KIF16B: variants seen among roughly 807,000 people sequenced by gnomAD.
The protein encoded by KIF16B is kinesin-like protein KIF16B.
KIF16B carries 98 observed loss-of-function variants against 156.3 expected under a neutral mutation model. That is an observed-to-expected ratio of 0.63 (90% confidence interval 0.53 to 0.74). The LOEUF (loss-of-function observed/expected upper bound fraction) is 0.74. Among genes scored for constraint, KIF16B ranks in the 30% least tolerant of loss-of-function variants. The pLI, the probability that KIF16B is intolerant of heterozygous loss-of-function variation, is 0.00. For missense variants in KIF16B, 1,421 were observed against 1,606.5 expected (o/e 0.88, Z 1.97); for synonymous variants, 564 against 583.7 (o/e 0.97, Z 0.49).
intron 14 of KIF16B, among the ~76,000 whole-genome samples, chr20:16,427,515 T>C (rs1032788784): frequency 1.3e-5 from 2 of 152,106 alleles, no homozygotes; most frequent in Non-Finnish European, 2.9e-5. Context: ...ACTCATTTCA[T>C]CTTTGGGGAG....
rs1320373009 is a variant in KIF16B at position 16,378,911 on chromosome 20, C to T, written c.3091G>A (p.Glu1031Lys). The part of the protein sequence containing the change: ...RHSTLGMEIE[E>K]QRQKLASLNS... ...AGACTGGCAAGTTTCTGCCTCTGCT[C>T]TTCAATCTCCATGCCCAGGGTGGAG... The change falls in exon 19 of 26, where the codon GAG becomes AAG. Residue 1031 changes from glutamate to lysine, a missense_variant. Physicochemically the swap from Glu to Lys is moderately conservative, Grantham distance 56. Coordinates refer to ENST00000354981, the MANE Select transcript of KIF16B (RefSeq NM_024704.5). 1.2e-6 allele frequency: 2 copies of T among 1,613,958 alleles called. No homozygotes were observed. The highest frequency in any genetic ancestry group is 1.7e-6 in the Non-Finnish European group (2 of 1,179,968).
intron 12 of KIF16B, among the ~76,000 whole-genome samples, chr20:16,455,654 T>A (rs895547669): frequency 1.3e-5 from 2 of 152,048 alleles, no homozygotes; most frequent in Non-Finnish European, 2.9e-5. Flanking sequence ...CGATTTTGCA[T>A]ATAATAAAGA....
At chr20:16,287,747 G>A (rs1160799571) in intron 25 of KIF16B, among the ~76,000 whole-genome samples, 1 of 152,178 alleles carries the variant, frequency 6.6e-6, no homozygotes, top group Non-Finnish European at 1.5e-5. Flanking sequence ...CAAGCTTCTG[G>A]GGAAACCTCA....
intron 1 of KIF16B, among the ~76,000 whole-genome samples, chr20:16,534,903 A>G (rs1475810333): frequency 6.6e-6 from 1 of 151,594 alleles, no homozygotes; most frequent in East Asian, 1.9e-4. Flanking sequence ...GTTACTACAG[A>G]CTTTTAATGT....
chr20:16,356,909 A>C (rs182716917), intron 22 of KIF16B, among the ~76,000 whole-genome samples: 2 of 152,306 alleles, frequency 1.3e-5, no homozygotes. Context: ...TTCATTTTTA[A>C]CTTTTAGGCA....
chr20:16,372,653 C>T (rs1316608069), intron 20 of KIF16B, among the ~76,000 whole-genome samples: 2 of 152,182 alleles, frequency 1.3e-5, no homozygotes, highest in Non-Finnish European at 1.5e-5. Flanking sequence ...GGAAGTCATT[C>T]TGTTCTAGAC....
chr20:16,324,233 G>A (rs1344387036), intron 24 of KIF16B, among the ~76,000 whole-genome samples: 1 of 151,902 alleles, frequency 6.6e-6, no homozygotes, highest in Non-Finnish European at 1.5e-5. Flanking sequence ...CAGGGAGCAG[G>A]CTTTCTTTTC....
At chr20:16,407,462 G>C (rs1328243258) in intron 15 of KIF16B, among the ~76,000 whole-genome samples, 1 of 152,126 alleles carries the variant, frequency 6.6e-6, no homozygotes, top group Non-Finnish European at 1.5e-5. Flanking sequence ...ACTTAGCTGA[G>C]TGTGTGATTA....
intron 23 of KIF16B, among the ~76,000 whole-genome samples, chr20:16,353,516 G>A (rs1255034901): frequency 5.3e-5 from 8 of 152,072 alleles, no homozygotes; most frequent in Admixed American, 3.3e-4. Context: ...CTTAGTATGT[G>A]GCAGGCACTG....
At chr20:16,495,610 C>G (rs983951970) in intron 11 of KIF16B, among the ~76,000 whole-genome samples, 1 of 152,150 alleles carries the variant, frequency 6.6e-6, no homozygotes, top group African/African-American at 2.4e-5. Flanking sequence ...AAATCTATCA[C>G]CTTCTTGATG....
intron 22 of KIF16B, among the ~76,000 whole-genome samples, chr20:16,370,062 G>A (rs2064779326): frequency 6.6e-6 from 1 of 152,054 alleles, no homozygotes; most frequent in Non-Finnish European, 1.5e-5. Context: ...TATTTTTTGG[G>A]GGTTGATTTT....
At chr20:16,515,510 A>G in intron 4 of KIF16B, 38 bp downstream of exon 4, 1 of 1,059,310 alleles carries the variant, frequency 9.4e-7, no homozygotes, top group Non-Finnish European at 1.5e-6. Flanking sequence ...GAGAAAGATA[A>G]TGAGAAATTT....
At chr20:16,373,302 AT>A (rs1255642711) in intron 20 of KIF16B, among the ~76,000 whole-genome samples, 1 of 152,224 alleles carries the variant, frequency 6.6e-6, no homozygotes, top group Admixed American at 6.5e-5. Flanking sequence ...ACCCTGTGAG[AT>A]ATGAGGCTCA....
chr20:16,483,781 A>C (rs1021726602), intron 12 of KIF16B, among the ~76,000 whole-genome samples: 1 of 152,032 alleles, frequency 6.6e-6, no homozygotes, highest in Non-Finnish European at 1.5e-5. Flanking sequence ...CAAGGAGAAA[A>C]CCATCTCCTT....
chr20:16,449,367 A>G (rs1009122053), intron 12 of KIF16B, among the ~76,000 whole-genome samples: 2 of 152,240 alleles, frequency 1.3e-5, no homozygotes, highest in African/African-American at 4.8e-5. Flanking sequence ...CCAATGAAAG[A>G]ATGTCCCTTG....
intron 24 of KIF16B, among the ~76,000 whole-genome samples, chr20:16,315,342 C>T (rs1443537057): frequency 1.3e-5 from 2 of 152,206 alleles, no homozygotes; most frequent in Non-Finnish European, 2.9e-5. Context: ...ACTCAACTAA[C>T]TGTCTGACTT....
chr20:16,505,580 T>C (rs1275721918), intron 9 of KIF16B, 142 bp downstream of exon 9: 2 of 696,808 alleles, frequency 2.9e-6, no homozygotes, highest in South Asian at 2.0e-5. Flanking sequence ...TCATAGGAGG[T>C]GATTTTCCTC....
intron 14 of KIF16B, 104 bp downstream of exon 14, chr20:16,428,849 T>C (rs1568971127): frequency 1.1e-6 from 1 of 939,544 alleles, no homozygotes; most frequent in African/African-American, 1.7e-5. Flanking sequence ...TGAAAAATAA[T>C]TTAATTTTCT....
At position 16,429,947 on chromosome 20, in the gene KIF16B, T is replaced by C. The variant is rs746561519; in HGVS notation, c.1338A>G (p.Gly446=). 6.2e-7 allele frequency: 1 copy of C among 1,612,838 alleles called. No individual in the cohort carries two copies. The highest frequency in any genetic ancestry group is 8.5e-7 in the Non-Finnish European group (1 of 1,179,362). ...GAGGCAGTTCAGAATCCAAAACAAC[T>C]CCAATCCCTTCTTTCCTGAGGGCTA... ...QTLALRKEGI[G]VVLDSELPHL... Residue 446 remains glycine (G), a synonymous_variant, in exon 13 of 26, where the codon GGA becomes GGG. Transcript: ENST00000354981.
Sources: gnomAD v4.1 joint callset for allele counts (sites outside exome capture counted in the v4.1 genomes callset) on GRCh38, gnomAD v4.1.1 for gene constraint, MANE v1.5 for transcripts, NCBI Gene and HGNC (gene_info 2026-07-23, HGNC 2026-07-21) for gene names.